MBD5: variants seen among roughly 807,000 people sequenced by gnomAD.
MBD5 encodes methyl-CpG binding domain protein 5, also known as methyl-CpG-binding domain protein 5.
Under a neutral mutation model 117.3 loss-of-function variants are expected in MBD5, and 13 were observed. The observed-to-expected ratio is 0.11, with a 90% CI of 0.07 to 0.18. The LOEUF (loss-of-function observed/expected upper bound fraction) is 0.18, where lower values mean the gene tolerates loss of function less well. MBD5 is among the 10% of genes least tolerant of loss of function. MBD5 has a pLI of 1.00. For missense variants in MBD5, 1,879 were observed against 2,093.8 expected (o/e 0.90, Z 2.00); for synonymous variants, 727 against 766.4 (o/e 0.95, Z 0.85).
intron 1 of MBD5, among the ~76,000 whole-genome samples, chr2:148,127,150 G>T (rs1696920004): frequency 6.6e-6 from 1 of 151,886 alleles, no homozygotes; most frequent in African/African-American, 2.4e-5. Flanking sequence ...TGTATTTTTA[G>T]TAGAGACGGT....
chr2:148,316,353 G>GTAAA (rs1702158053), intron 3 of MBD5, among the ~76,000 whole-genome samples: 1 of 152,202 alleles, frequency 6.6e-6, no homozygotes, highest in East Asian at 1.9e-4. Flanking sequence ...AGTAGGTCTT[G>GTAAA]TAAATGTTTT....
At chr2:148,284,290 C>T (rs1007843934) in intron 3 of MBD5, among the ~76,000 whole-genome samples, 2 of 152,104 alleles carry the variant, frequency 1.3e-5, no homozygotes, top group Non-Finnish European at 2.9e-5. Flanking sequence ...AAAACCAGCA[C>T]AGTAAATAAC....
intron 3 of MBD5, among the ~76,000 whole-genome samples, chr2:148,307,204 G>C (rs186522278): frequency 1.1e-3 from 162 of 152,026 alleles, no homozygotes; most frequent in Non-Finnish European, 2.1e-3. Flanking sequence ...AGAAACCTTA[G>C]GTCTTTTAAA....
chr2:148,322,083 G>C (rs1306299445), intron 3 of MBD5, among the ~76,000 whole-genome samples: 2 of 152,146 alleles, frequency 1.3e-5, no homozygotes, highest in African/African-American at 4.8e-5. Context: ...ATGACCTCTA[G>C]TTCTTCCTCG....
chr2:148,336,772 CT>C (rs2105100589), intron 3 of MBD5, among the ~76,000 whole-genome samples: 1 of 152,282 alleles, frequency 6.6e-6, no homozygotes, highest in East Asian at 1.9e-4. Flanking sequence ...TTTGCATATT[CT>C]TTTCTGTTCT....
intron 4 of MBD5, among the ~76,000 whole-genome samples, chr2:148,431,889 G>A (rs1417555639): frequency 6.6e-6 from 1 of 152,044 alleles, no homozygotes; most frequent in Non-Finnish European, 1.5e-5. Flanking sequence ...TATTTCTTTG[G>A]TTGTATACCC....
intron 1 of MBD5, among the ~76,000 whole-genome samples, chr2:148,176,445 C>T (rs1698391467): frequency 6.7e-6 from 1 of 150,066 alleles, no homozygotes; most frequent in Admixed American, 6.7e-5. Context: ...TGCTCTGTTG[C>T]CCAGGCTAGA....
At chr2:148,368,010 T>C (rs1231864547) in intron 4 of MBD5, among the ~76,000 whole-genome samples, 1 of 152,180 alleles carries the variant, frequency 6.6e-6, no homozygotes, top group Non-Finnish European at 1.5e-5. Context: ...CATTCTACTA[T>C]AAAGACACAT....
chr2:148,282,176 A>G (rs527891349), intron 3 of MBD5, among the ~76,000 whole-genome samples: 9 of 152,280 alleles, frequency 5.9e-5, no homozygotes, highest in Middle Eastern at 3.4e-3. Flanking sequence ...TAAAGTGTCT[A>G]TTGCCAGTAC....
At chr2:148,365,143 C>G (rs1037098265) in intron 4 of MBD5, among the ~76,000 whole-genome samples, 1 of 152,200 alleles carries the variant, frequency 6.6e-6, no homozygotes, top group Admixed American at 6.5e-5. Context: ...ACAAGTCTCT[C>G]AGACCACAGT....
intron 1 of MBD5, among the ~76,000 whole-genome samples, chr2:148,036,180 C>T (rs1558896506): frequency 6.6e-6 from 1 of 151,966 alleles, no homozygotes; most frequent in Non-Finnish European, 1.5e-5. Context: ...TGTTGTTTCT[C>T]ATAAAGAAAC....
At chr2:148,351,919 T>C (rs918103726) in intron 4 of MBD5, among the ~76,000 whole-genome samples, 2 of 152,070 alleles carry the variant, frequency 1.3e-5, no homozygotes, top group African/African-American at 4.8e-5. Flanking sequence ...TTCTGCAACC[T>C]ATGTGTTTAG....
chr2:148,168,930 T>C (rs1558956331), intron 1 of MBD5, among the ~76,000 whole-genome samples: 1 of 149,318 alleles, frequency 6.7e-6, no homozygotes, highest in Non-Finnish European at 1.5e-5. Context: ...ATATATAGGA[T>C]ATATATACAT....
Position 148,468,498 on chromosome 2 carries a change from A to G in MBD5, c.555A>G (p.Glu185=). The G allele has an allele frequency of 6.2e-7, 1 of 1,613,862 alleles. No homozygotes were observed. The highest frequency in any genetic ancestry group is 8.5e-7 in the Non-Finnish European group (1 of 1,179,854). The change falls in exon 8 of 14, where the codon GAA becomes GAG. Residue 185 remains glutamate, a synonymous_variant. Transcript: ENST00000642680. The part of the protein sequence containing the change: ...SNAMGRLYVQ[E]LPGSQQQELH... Reference sequence around the variant, plus strand: ...CCATGGGAAGGCTATATGTACAAGAACTGCCTGGAAGCCAACAACAAGAAC... The same window carrying G: ...CCATGGGAAGGCTATATGTACAAGAGCTGCCTGGAAGCCAACAACAAGAAC...
chr2:148,441,817 A>G (rs957103126), intron 4 of MBD5, among the ~76,000 whole-genome samples: 10 of 152,030 alleles, frequency 6.6e-5, no homozygotes, highest in African/African-American at 2.4e-4. Flanking sequence ...GTGAGATGGT[A>G]TCTCATTGTG....
intron 1 of MBD5, among the ~76,000 whole-genome samples, chr2:148,091,780 A>G (rs1160762076): frequency 3.9e-5 from 6 of 152,184 alleles, no homozygotes; most frequent in Non-Finnish European, 5.9e-5. Context: ...CCCAAAAGCA[A>G]ATGCAACAAA....
In MBD5 at chr2:148,458,553, T is replaced by A; in HGVS notation, c.-206T>A. The A allele has an allele frequency of 1.6e-6, 1 of 612,374 alleles. No individual in the cohort carries two copies. The highest frequency in any genetic ancestry group is 4.4e-4 in the Middle Eastern group (1 of 2,296). The allele number at this position is 612,374 out of a possible 1,614,324, so 37.9% of individuals were successfully genotyped here. A position where few individuals can be genotyped will look rare whatever the true frequency, so the allele number is the denominator to read the frequency against. The stretch of plus-strand genomic sequence containing the variant: ...GGAATTAAATATTGGTTATTTAATG[T>A]AGATTATAATGGGAAGCTGATTTTT... On this transcript the variant is annotated 5_prime_UTR_variant, in exon 5 of 14. It removes the in-frame stop codon of an upstream open reading frame in the 5' UTR. Coordinates refer to ENST00000642680, the MANE Select transcript of MBD5 (RefSeq NM_001378120.1).
At chr2:148,270,817 C>T (rs1700968292) in intron 3 of MBD5, among the ~76,000 whole-genome samples, 1 of 152,108 alleles carries the variant, frequency 6.6e-6, no homozygotes, top group South Asian at 2.1e-4. Flanking sequence ...GGTTGGCCCC[C>T]TCCTCACCTT....
Position 148,490,314 on chromosome 2 carries a change from C to A in MBD5, c.4682C>A (p.Ser1561Tyr). ...SPSSSNSLEN[S>Y]LVKDYIHYNG... Reference sequence around the variant, plus strand: ...AGTTCCTCAAATAGTTTGGAAAATTCTCTGGTCAAAGACTACATCCATTAC... The same window carrying A: ...AGTTCCTCAAATAGTTTGGAAAATTATCTGGTCAAAGACTACATCCATTAC... Residue 1561 changes from serine (S) to tyrosine (Y), a missense_variant, in exon 11 of 14, where the codon TCT becomes TAT. Ser to Tyr is a moderately radical substitution (Grantham distance 144, BLOSUM62 -2). This residue lies in a region of MBD5 where 1,666 missense variants were observed against 1,792.2 expected (regional missense o/e 0.93). Coordinates refer to ENST00000642680, the MANE Select transcript of MBD5 (RefSeq NM_001378120.1). The A allele has an allele frequency of 6.2e-7, 1 of 1,614,140 alleles. No individual in the cohort carries two copies. Among genetic ancestry groups the A allele is most frequent in the East Asian group, 2.2e-5 (1 of 44,880 alleles).
Sources: gnomAD v4.1 joint callset for allele counts (sites outside exome capture counted in the v4.1 genomes callset) on GRCh38, gnomAD v4.1.1 for gene constraint, gnomAD v4.1.1 regional missense constraint, MANE v1.5 for transcripts, NCBI Gene and HGNC (gene_info 2026-07-23, HGNC 2026-07-21) for gene names.